Variants in KLF8 observed in about 807,000 individuals in gnomAD.
KLF8 encodes KLF transcription factor 8, also known as Krueppel-like factor 8.
KLF8 carries 10 observed loss-of-function variants against 18.2 expected under a neutral mutation model. The ratio of observed to expected loss-of-function variants is 0.55; its 90% CI spans 0.34 to 0.93. The LOEUF is 0.93. Among genes scored for constraint, KLF8 ranks in the 40% least tolerant of loss-of-function variants. The pLI is 0.02. For missense variants in KLF8, 264 were observed against 277.9 expected (o/e 0.95, Z 0.36); for synonymous variants, 109 against 97.3 (o/e 1.12, Z -0.71).
chrX:56,100,726 G>A, the KLF8 span, among the ~76,000 whole-genome samples: 1 of 112,021 alleles, frequency 8.9e-6, no homozygotes, highest in Non-Finnish European at 1.9e-5. Flanking sequence ...AATCACAAGA[G>A]AACTAGAATT....
At chrX:56,120,178 G>A in the KLF8 span, among the ~76,000 whole-genome samples, 1 of 110,553 alleles carries the variant, frequency 9.0e-6, no homozygotes, top group Non-Finnish European at 1.9e-5. Flanking sequence ...TCCGATGTGG[G>A]AATTCTGGAT....
the KLF8 span, among the ~76,000 whole-genome samples, chrX:56,103,436 T>A: frequency 3.1e-4 from 35 of 111,230 alleles, no homozygotes; most frequent in Admixed American, 2.1e-3. Context: ...CATCCCTTGT[T>A]AGTTGGATTC....
chrX:56,189,587 A>G, the KLF8 span, among the ~76,000 whole-genome samples: 1 of 111,064 alleles, frequency 9.0e-6, no homozygotes, highest in African/African-American at 3.3e-5. Context: ...TTATTGTGGC[A>G]TTATTCACAA....
At chrX:56,118,724 A>G in the KLF8 span, among the ~76,000 whole-genome samples, 2 of 111,923 alleles carry the variant, frequency 1.8e-5, no homozygotes, top group East Asian at 5.6e-4. Context: ...ATAAACTATA[A>G]TGGAAAAACT....
chrX:56,056,290 G>A, the KLF8 span, among the ~76,000 whole-genome samples: 1 of 110,298 alleles, frequency 9.1e-6, no homozygotes, highest in African/African-American at 3.3e-5. Flanking sequence ...ATTGTGGTAT[G>A]AAGTCACTTA....
intron 2 of KLF8, among the ~76,000 whole-genome samples, chrX:56,254,377 ACT>A (rs906589717): frequency 1.0e-4 from 11 of 110,338 alleles, no homozygotes; most frequent in Admixed American, 1.9e-4. Context: ...CAGGAGCAAA[ACT>A]CTATGCGCAC....
At chrX:56,081,267 C>G in the KLF8 span, among the ~76,000 whole-genome samples, 1 of 111,335 alleles carries the variant, frequency 9.0e-6, no homozygotes, top group African/African-American at 3.3e-5. Context: ...TTTTCCCCAT[C>G]TTTGTGGTTT....
chrX:56,007,956 A>G, the KLF8 span, among the ~76,000 whole-genome samples: 2 of 110,717 alleles, frequency 1.8e-5, no homozygotes, highest in Non-Finnish European at 3.8e-5. Flanking sequence ...AAGTTGAAGA[A>G]AAAAAATGTG....
At chrX:55,978,691 A>G in the KLF8 span, among the ~76,000 whole-genome samples, 5 of 111,560 alleles carry the variant, frequency 4.5e-5, no homozygotes, top group Admixed American at 4.8e-4. Flanking sequence ...CCTAGAAACA[A>G]CCTGAGTTTT....
At chrX:56,209,358 T>C in the KLF8 span, among the ~76,000 whole-genome samples, 1 of 111,870 alleles carries the variant, frequency 8.9e-6, no homozygotes, top group Non-Finnish European at 1.9e-5. Flanking sequence ...TTACAGATGA[T>C]GTGTGTTTCT....
chrX:56,231,636 C>T (rs898827447), upstream of KLF8, among the ~76,000 whole-genome samples: 1 of 111,526 alleles, frequency 9.0e-6, no homozygotes, highest in Non-Finnish European at 1.9e-5. Flanking sequence ...TTGTGACTTC[C>T]TGGCCTCCCA....
chrX:55,985,923 C>T, the KLF8 span, among the ~76,000 whole-genome samples: 1 of 110,721 alleles, frequency 9.0e-6, no homozygotes, highest in Non-Finnish European at 1.9e-5. Context: ...CAGGATTTGG[C>T]TCTCTGCTTG....
At chrX:56,156,604 G>A in the KLF8 span, among the ~76,000 whole-genome samples, 1 of 109,153 alleles carries the variant, frequency 9.2e-6, no homozygotes, top group Non-Finnish European at 1.9e-5. Flanking sequence ...TTAAGTTTTA[G>A]GGTACAAGTG....
the KLF8 span, among the ~76,000 whole-genome samples, chrX:56,191,519 A>G: frequency 8.9e-6 from 1 of 111,965 alleles, no homozygotes; most frequent in Non-Finnish European, 1.9e-5. Flanking sequence ...ACAGGCCAGT[A>G]TCACTGATAA....
At chrX:56,196,408 C>CA in the KLF8 span, among the ~76,000 whole-genome samples, 153 of 102,642 alleles carry the variant, frequency 1.5e-3, 1 homozygote, top group Admixed American at 2.6e-3. Flanking sequence ...AAATGGAAAG[C>CA]AAAAAAAAAT....
chrX:55,958,060 T>C, the KLF8 span, among the ~76,000 whole-genome samples: 1 of 112,042 alleles, frequency 8.9e-6, no homozygotes, highest in Non-Finnish European at 1.9e-5. Context: ...TAAATTAGCT[T>C]ATAATAATTT....
chrX:56,216,718 G>A, the KLF8 span, among the ~76,000 whole-genome samples: 1 of 109,619 alleles, frequency 9.1e-6, no homozygotes, highest in Non-Finnish European at 1.9e-5. Flanking sequence ...GTATAGTGTG[G>A]CCCCTTCCTT....
At chrX:55,940,503 A>T in the KLF8 span, among the ~76,000 whole-genome samples, 1 of 111,958 alleles carries the variant, frequency 8.9e-6, no homozygotes, top group Non-Finnish European at 1.9e-5. Flanking sequence ...CTCCTATTCA[A>T]CATAGTGTTG....
the KLF8 span, among the ~76,000 whole-genome samples, chrX:55,937,812 G>A: frequency 3.6e-5 from 4 of 111,650 alleles, no homozygotes; most frequent in Admixed American, 3.8e-4. Context: ...AGGGAGAAAA[G>A]AAGTTTAGAG....
Sources: allele counts gnomAD v4.1 joint callset (sites outside exome capture counted in the v4.1 genomes callset), GRCh38; gene constraint gnomAD v4.1.1; transcripts MANE v1.5; gene names NCBI Gene and HGNC (gene_info 2026-07-23, HGNC 2026-07-21).